SORL1: variants seen among roughly 807,000 people sequenced by gnomAD.
The protein encoded by SORL1 is sortilin-related receptor.
SORL1 carries 127 observed loss-of-function variants against 273.7 expected under a neutral mutation model. The observed-to-expected ratio is 0.46, with a 90% CI of 0.40 to 0.54. The LOEUF is 0.54. Among genes scored for constraint, SORL1 ranks in the 20% least tolerant of loss-of-function variants. The probability of loss-of-function intolerance (pLI) is 0.00; values close to 1 mark genes in which losing one functional copy is unlikely to be tolerated. For synonymous variants in SORL1, 1,031 were observed against 1,067.4 expected (o/e 0.97, Z 0.66); for missense variants, 2,494 against 2,846.1 (o/e 0.88, Z 2.81).
At chr11:121,597,621 C>G (rs1460148593) in intron 32 of SORL1, among the ~76,000 whole-genome samples, 1 of 152,088 alleles carries the variant, frequency 6.6e-6, no homozygotes, top group Admixed American at 6.5e-5. Flanking sequence ...GGCACCATGC[C>G]TGGCTAATTT....
intron 1 of SORL1, among the ~76,000 whole-genome samples, chr11:121,460,542 C>T (rs1029768174): frequency 8.6e-5 from 13 of 151,834 alleles, no homozygotes; most frequent in African/African-American, 1.7e-4. Flanking sequence ...ATTACAGGTG[C>T]GCACCACCAC....
intron 14 of SORL1, among the ~76,000 whole-genome samples, chr11:121,547,519 C>T (rs893005051): frequency 6.7e-6 from 1 of 149,884 alleles, no homozygotes; most frequent in African/African-American, 2.5e-5. Flanking sequence ...GCTGGTCTAC[C>T]ATGCCCACCC....
chr11:121,597,680 G>A (rs1183738115), intron 32 of SORL1, among the ~76,000 whole-genome samples: 1 of 152,104 alleles, frequency 6.6e-6, no homozygotes, highest in Non-Finnish European at 1.5e-5. Context: ...GGCTGGTCTC[G>A]AACTCCTGAC....
chr11:121,488,073 G>C lies in SORL1; in HGVS notation c.570G>C (p.Thr190=). ...CTTATGCCCAGTACCTCTGGATCAC[G>C]TTTGACTTCTGCAACACTCTTCAAG... The part of the protein sequence containing the change: ...ADAYAQYLWI[T]FDFCNTLQGF... Residue 190 remains threonine, a synonymous_variant, in exon 4 of 48, where the codon ACG becomes ACC. Coordinates refer to ENST00000260197, the MANE Select transcript of SORL1 (RefSeq NM_003105.6). The C allele has an allele frequency of 6.2e-7, 1 of 1,614,148 alleles. No homozygotes were observed. Among genetic ancestry groups the C allele is most frequent in the Non-Finnish European group, 8.5e-7 (1 of 1,180,012 alleles).
chr11:121,464,884 T>C (rs1337820350), intron 1 of SORL1, among the ~76,000 whole-genome samples: 1 of 152,210 alleles, frequency 6.6e-6, no homozygotes, highest in Non-Finnish European at 1.5e-5. Flanking sequence ...TCATTCTAGC[T>C]GCATATTTTG....
At position 121,627,892 on chromosome 11, in the gene SORL1, C is replaced by T. The variant is rs900070709; in HGVS notation, c.6577+125C>T. 4.7e-6 allele frequency: 3 copies of T among 641,326 alleles called. No homozygotes were observed. Among genetic ancestry groups the T allele is most frequent in the African/African-American group, 1.8e-5 (1 of 54,754 alleles). The allele number at this position is 641,326 out of a possible 1,614,324, so 39.7% of individuals were successfully genotyped here. A position where few individuals can be genotyped will look rare whatever the true frequency, so the allele number is the denominator to read the frequency against. ...CCTGGAGGAGCTCTTCATCAGCCAGCGATTTGATTCCATGAGTTTTGGTTA... is the reference window on the plus strand; with the variant it reads ...CCTGGAGGAGCTCTTCATCAGCCAGTGATTTGATTCCATGAGTTTTGGTTA... On this transcript the variant is annotated intron_variant, in intron 47 of 47. Coordinates refer to ENST00000260197, the MANE Select transcript of SORL1 (RefSeq NM_003105.6). The surrounding 1 kb of genome is among the most constrained non-coding windows in gnomAD (Gnocchi z 4.9).
chr11:121,619,685 A>T, intron 42 of SORL1, 68 bp from the exon 43 acceptor site: 1 of 1,199,084 alleles, frequency 8.3e-7, no homozygotes, highest in Non-Finnish European at 1.2e-6. Context: ...TTGTTGAAAA[A>T]ATACTTTAAT....
At chr11:121,466,946 C>T (rs1591545927) in intron 1 of SORL1, among the ~76,000 whole-genome samples, 1 of 151,600 alleles carries the variant, frequency 6.6e-6, no homozygotes. Context: ...AAAAAGCTTT[C>T]CTTAAAAAAA....
At chr11:121,506,430 CT>C (rs1861788193) in intron 6 of SORL1, among the ~76,000 whole-genome samples, 1 of 152,142 alleles carries the variant, frequency 6.6e-6, no homozygotes, top group South Asian at 2.1e-4. Flanking sequence ...CAAGTCATGT[CT>C]TACATGGATG....
At chr11:121,577,936 A>G (rs373557455) in intron 25 of SORL1, among the ~76,000 whole-genome samples, 5 of 152,260 alleles carry the variant, frequency 3.3e-5, no homozygotes, top group Admixed American at 2.6e-4. Context: ...TTTATGAATG[A>G]GTGGATGAAT....
chr11:121,548,104 TTACATATGTACG>T (rs999967934), intron 14 of SORL1, among the ~76,000 whole-genome samples: 2 of 152,228 alleles, frequency 1.3e-5, no homozygotes, highest in African/African-American at 4.8e-5. Flanking sequence ...GACCCTGTAC[TTACATATGTACG>T]TGTAGATACA....
chr11:121,580,792 A>G (rs1350287528), intron 25 of SORL1, among the ~76,000 whole-genome samples: 1 of 151,070 alleles, frequency 6.6e-6, no homozygotes, highest in African/African-American at 2.4e-5. Context: ...TTTTGTAGAG[A>G]TGGGGTTTTG....
chr11:121,588,848 C>T (rs960385943), intron 28 of SORL1, among the ~76,000 whole-genome samples: 3 of 152,180 alleles, frequency 2.0e-5, no homozygotes, highest in Non-Finnish European at 4.4e-5. Flanking sequence ...GCTCTTCACA[C>T]GGTCTTTCCT....
At chr11:121,592,128 G>A (rs1223839859) in intron 31 of SORL1, among the ~76,000 whole-genome samples, 1 of 152,126 alleles carries the variant, frequency 6.6e-6, no homozygotes, top group African/African-American at 2.4e-5. Context: ...TCTTCAGATA[G>A]ACTTGCTTCT....
intron 32 of SORL1, among the ~76,000 whole-genome samples, chr11:121,597,736 A>T (rs1162720468): frequency 1.3e-5 from 2 of 152,180 alleles, no homozygotes; most frequent in African/African-American, 4.8e-5. Flanking sequence ...CTGGGATTAC[A>T]GGCCTGAGCC....
At chr11:121,489,535 A>G (rs908157186) in intron 4 of SORL1, among the ~76,000 whole-genome samples, 1 of 152,174 alleles carries the variant, frequency 6.6e-6, no homozygotes, top group Non-Finnish European at 1.5e-5. Flanking sequence ...ATTAATCCAT[A>G]TTGTAGCATG....
intron 1 of SORL1, among the ~76,000 whole-genome samples, chr11:121,463,651 T>A (rs1033803458): frequency 3.3e-5 from 5 of 152,190 alleles, no homozygotes; most frequent in Non-Finnish European, 7.3e-5. Flanking sequence ...ATCTGGAAAA[T>A]GGGCAGCCTG....
intron 6 of SORL1, among the ~76,000 whole-genome samples, chr11:121,511,409 CTATA>C (rs1045137009): frequency 6.6e-6 from 1 of 152,138 alleles, no homozygotes; most frequent in African/African-American, 2.4e-5. Flanking sequence ...ATATGTTCCT[CTATA>C]TATTCACAAA....
At chr11:121,539,877 T>G (rs1438230888) in intron 12 of SORL1, among the ~76,000 whole-genome samples, 1 of 152,220 alleles carries the variant, frequency 6.6e-6, no homozygotes, top group African/African-American at 2.4e-5. Context: ...TGTCTGCTAT[T>G]ATTTATTCTA....
Sources: gnomAD v4.1 joint callset for allele counts (sites outside exome capture counted in the v4.1 genomes callset) on GRCh38, gnomAD v4.1.1 for gene constraint, Gnocchi (gnomAD v3.1) non-coding constraint, MANE v1.5 for transcripts, NCBI Gene and HGNC (gene_info 2026-07-23, HGNC 2026-07-21) for gene names.